The following MACROD2 variants were observed in gnomAD, a reference collection of about 807,000 sequenced individuals.
The protein encoded by MACROD2 is mono-ADP ribosylhydrolase 2, also known as ADP-ribose glycohydrolase MACROD2.
MACROD2 carries 36 observed loss-of-function variants against 70.4 expected under a neutral mutation model. The ratio of observed to expected loss-of-function variants is 0.51; its 90% confidence interval spans 0.39 to 0.68. The LOEUF (loss-of-function observed/expected upper bound fraction) is 0.68, where lower values mean the gene tolerates loss of function less well. Ranked by LOEUF, MACROD2 falls within the 30% of genes least tolerant of loss-of-function variation. MACROD2 has a pLI of 0.00. For missense variants in MACROD2, 496 were observed against 538.4 expected, an observed-to-expected ratio of 0.92 and a Z score of 0.78; for synonymous variants, 172 against 178.8, an observed-to-expected ratio of 0.96 and a Z score of 0.30.
intron 5 of MACROD2, among the ~76,000 whole-genome samples, chr20:15,201,377 C>T (rs987397107): frequency 5.3e-5 from 8 of 152,250 alleles, no homozygotes; most frequent in East Asian, 3.9e-4. Flanking sequence ...CTCTAACATT[C>T]GCAGGACCCA....
intron 10 of MACROD2, among the ~76,000 whole-genome samples, chr20:15,886,778 T>G (rs981335432): frequency 6.6e-6 from 1 of 152,166 alleles, no homozygotes; most frequent in African/African-American, 2.4e-5. Flanking sequence ...TCATTTTCTA[T>G]AAGCTGAGTT....
At chr20:15,926,317 A>G (rs2065489060) in intron 10 of MACROD2, among the ~76,000 whole-genome samples, 1 of 152,192 alleles carries the variant, frequency 6.6e-6, no homozygotes, top group Non-Finnish European at 1.5e-5. Context: ...TTTGTGAACT[A>G]TCCAGACAAG....
chr20:14,242,369 A>G (rs924571000), intron 3 of MACROD2, among the ~76,000 whole-genome samples: 20 of 152,186 alleles, frequency 1.3e-4, no homozygotes, highest in African/African-American at 1.9e-4. Context: ...CACACACAGT[A>G]TTTGAAAAAT....
chr20:14,017,717 G>T (rs1371112760), intron 2 of MACROD2, among the ~76,000 whole-genome samples: 1 of 151,978 alleles, frequency 6.6e-6, no homozygotes, highest in African/African-American at 2.4e-5. Flanking sequence ...CTAGTATTGA[G>T]GATTTTTTTC....
intron 4 of MACROD2, among the ~76,000 whole-genome samples, chr20:14,528,156 C>T (rs1394625357): frequency 2.7e-5 from 4 of 150,394 alleles, no homozygotes; most frequent in Non-Finnish European, 2.9e-5. Context: ...ATTGCCCAGG[C>T]TGGAGAGCAA....
intron 5 of MACROD2, among the ~76,000 whole-genome samples, chr20:15,058,216 G>A (rs1400062952): frequency 1.3e-5 from 2 of 152,104 alleles, no homozygotes; most frequent in South Asian, 4.1e-4. Flanking sequence ...TCAAAAAAAG[G>A]TTAAAGGGGG....
At chr20:14,028,638 T>C (rs1429245926) in intron 2 of MACROD2, among the ~76,000 whole-genome samples, 2 of 152,128 alleles carry the variant, frequency 1.3e-5, no homozygotes, top group Non-Finnish European at 2.9e-5. Flanking sequence ...CCATTCCTCA[T>C]GGCACAGTCC....
intron 5 of MACROD2, among the ~76,000 whole-genome samples, chr20:15,142,584 C>T (rs1282314161): frequency 2.6e-5 from 4 of 152,022 alleles, no homozygotes; most frequent in Non-Finnish European, 5.9e-5. Context: ...CATATGTATA[C>T]ATGTGCCATG....
At chr20:14,076,106 T>G (rs1197141663) in intron 2 of MACROD2, among the ~76,000 whole-genome samples, 2 of 152,230 alleles carry the variant, frequency 1.3e-5, no homozygotes, top group Non-Finnish European at 2.9e-5. Flanking sequence ...GTTTACTTGA[T>G]TAATTGCTAA....
chr20:14,338,919 G>A (rs1168955987), intron 3 of MACROD2, among the ~76,000 whole-genome samples: 1 of 152,150 alleles, frequency 6.6e-6, no homozygotes. Context: ...CATGTTGGTG[G>A]TAAGAACTTA....
chr20:14,989,323 A>G (rs1050385530), intron 5 of MACROD2, among the ~76,000 whole-genome samples: 9 of 152,202 alleles, frequency 5.9e-5, no homozygotes, highest in African/African-American at 2.2e-4. Flanking sequence ...CCAGTGGGCT[A>G]GGGAAGATCC....
At chr20:15,607,126 G>C (rs1201486748) in intron 8 of MACROD2, among the ~76,000 whole-genome samples, 1 of 152,060 alleles carries the variant, frequency 6.6e-6, no homozygotes, top group South Asian at 2.1e-4. Context: ...GATCAGCCTA[G>C]GCAACATAGC....
intron 4 of MACROD2, among the ~76,000 whole-genome samples, chr20:14,506,803 T>C (rs74983095): frequency 6.6e-6 from 1 of 151,976 alleles, no homozygotes; most frequent in Non-Finnish European, 1.5e-5. Flanking sequence ...TACAAAAAAT[T>C]AGCCGGACGT....
At chr20:14,552,268 C>T (rs929885065) in intron 4 of MACROD2, among the ~76,000 whole-genome samples, 2 of 102,618 alleles carry the variant, frequency 1.9e-5, no homozygotes, top group Non-Finnish European at 1.8e-5. Flanking sequence ...CGTATGCTAC[C>T]TGTTTTTATC....
chr20:14,291,090 C>T (rs755888384), intron 3 of MACROD2, among the ~76,000 whole-genome samples: 25 of 152,008 alleles, frequency 1.6e-4, no homozygotes, highest in Non-Finnish European at 3.2e-4. Flanking sequence ...ACAAGTTGTA[C>T]CAAAAAGGAA....
At chr20:14,105,616 T>G (rs6033883) in intron 3 of MACROD2, among the ~76,000 whole-genome samples, 2,211 of 152,308 alleles carry the variant, frequency 0.015, 52 homozygotes, top group African/African-American at 0.05. Flanking sequence ...AGTGCTAGTC[T>G]GGGCTTGGAG....
At chr20:15,880,602 T>C (rs2064740884) in intron 9 of MACROD2, among the ~76,000 whole-genome samples, 2 of 152,016 alleles carry the variant, frequency 1.3e-5, no homozygotes, top group Non-Finnish European at 2.9e-5. Flanking sequence ...CTCAGGGAGA[T>C]AGTACAGAAC....
chr20:15,116,568 C>G (rs2075993190), intron 5 of MACROD2, among the ~76,000 whole-genome samples: 1 of 152,158 alleles, frequency 6.6e-6, no homozygotes, highest in African/African-American at 2.4e-5. Context: ...TCGCTTAAAC[C>G]TGGGAGGCGG....
intron 3 of MACROD2, among the ~76,000 whole-genome samples, chr20:14,239,502 T>C (rs755727015): frequency 6.6e-6 from 1 of 152,204 alleles, no homozygotes; most frequent in Non-Finnish European, 1.5e-5. Context: ...TGAAACGGCA[T>C]GATACTGTCA....
Sources: allele counts gnomAD v4.1 joint callset (sites outside exome capture counted in the v4.1 genomes callset), GRCh38; gene constraint gnomAD v4.1.1; transcripts MANE v1.5; gene names NCBI Gene and HGNC (gene_info 2026-07-23, HGNC 2026-07-21).